IGF2BP1: variants seen among roughly 807,000 people sequenced by gnomAD.
IGF2BP1 encodes insulin-like growth factor 2 mRNA-binding protein 1.
IGF2BP1 carries 11 observed loss-of-function variants against 74.9 expected under a neutral mutation model. The observed-to-expected ratio is 0.15, with a 90% confidence interval of 0.09 to 0.24. IGF2BP1 has a LOEUF of 0.24. IGF2BP1 is among the 10% of genes least tolerant of loss of function. IGF2BP1 has a pLI of 1.00. For missense variants in IGF2BP1, 440 were observed against 757.4 expected (o/e 0.58, Z 4.92); for synonymous variants, 287 against 281.8 (o/e 1.02, Z -0.18).
chr17:49,030,920 G>A (rs9899931), intron 4 of IGF2BP1, among the ~76,000 whole-genome samples: 51,397 of 151,808 alleles, frequency 0.34, 9,245 homozygotes, highest in African/African-American at 0.42. Flanking sequence ...GTGAGCCACC[G>A]CTCCTGGCCA....
chr17:49,001,503 T>C (rs904081450), intron 2 of IGF2BP1, among the ~76,000 whole-genome samples: 9 of 152,176 alleles, frequency 5.9e-5, no homozygotes, highest in African/African-American at 2.2e-4. Flanking sequence ...ACAAAAGATA[T>C]GCTGTAGCAA....
intron 9 of IGF2BP1, 40 bp from the exon 10 acceptor site, chr17:49,043,388 C>T (rs1324220851): frequency 3.7e-6 from 6 of 1,610,300 alleles, no homozygotes; most frequent in Non-Finnish European, 5.1e-6. Flanking sequence ...AAGCCCCTGT[C>T]AGGGTGTGCT....
intron 2 of IGF2BP1, among the ~76,000 whole-genome samples, chr17:49,006,770 T>C (rs1326772850): frequency 6.6e-6 from 1 of 152,192 alleles, no homozygotes; most frequent in Non-Finnish European, 1.5e-5. Context: ...TAACTCTACC[T>C]GTATGTTGAA....
rs1567822974 is a variant in IGF2BP1, at chr17:49,034,764, A to AAC, written c.401+2791_401+2792insAC. Among the ~76,000 whole-genome samples, 6 of 143,752 alleles carry AAC rather than the reference A, an allele frequency of 4.2e-5. No homozygotes were observed. The East Asian group carries it at 7.8e-4, about 19-fold the overall frequency. 94.3% of individuals were successfully genotyped at this position (143,752 alleles called of 152,430 possible). ...AAAAAACACAAAAAAAACAAAAAAAACAAAAAAAACGAAAAACCAAAAACA... is the reference window on the plus strand; with the variant it reads ...AAAAAACACAAAAAAAACAAAAAAAAACCAAAAAAAACGAAAAACCAAAAACA... On this transcript the variant is annotated intron_variant, in intron 5 of 14. Transcript: ENST00000290341.
chr17:49,018,482 C>T (rs2041736451), intron 2 of IGF2BP1, among the ~76,000 whole-genome samples: 3 of 152,058 alleles, frequency 2.0e-5, no homozygotes, highest in African/African-American at 7.2e-5. Flanking sequence ...ACTTGGATAT[C>T]TTTGGGATGA....
chr17:49,028,318 C>T (rs922062487), intron 4 of IGF2BP1, among the ~76,000 whole-genome samples: 18 of 152,198 alleles, frequency 1.2e-4, no homozygotes, highest in African/African-American at 2.4e-5. Context: ...AAATATTCCT[C>T]TCCAAATTAT....
intron 4 of IGF2BP1, among the ~76,000 whole-genome samples, chr17:49,029,577 G>C (rs2041898181): frequency 6.6e-6 from 1 of 152,170 alleles, no homozygotes; most frequent in Non-Finnish European, 1.5e-5. Context: ...AAGCCCAGGG[G>C]ACCCAAATTC....
chr17:49,026,643 T>TG, intron 4 of IGF2BP1, 126 bp downstream of exon 4: 2 of 553,500 alleles, frequency 3.6e-6, no homozygotes, highest in East Asian at 3.0e-5. Context: ...CTGCCTTCCT[T>TG]CCTGCCTGCC....
At chr17:49,030,522 C>A (rs1385079755) in intron 4 of IGF2BP1, among the ~76,000 whole-genome samples, 1 of 152,096 alleles carries the variant, frequency 6.6e-6, no homozygotes. Context: ...TTAGGTGTTT[C>A]CAAGTGTTGT....
intron 2 of IGF2BP1, among the ~76,000 whole-genome samples, chr17:49,011,007 C>T (rs772641307): frequency 4.6e-5 from 7 of 151,264 alleles, no homozygotes; most frequent in Non-Finnish European, 8.8e-5. Flanking sequence ...CATGGTGGCG[C>T]GCACCTGTAA....
chr17:49,055,466 A>C lies in IGF2BP1; in HGVS notation c.*6022A>C. The C allele has an allele frequency of 4.4e-4, 150 of 337,762 alleles. No individual in the cohort carries two copies. The highest frequency in any genetic ancestry group is 2.3e-3 in the Middle Eastern group (3 of 1,308). The allele number at this position is 337,762 out of a possible 1,614,324, so 20.9% of individuals were successfully genotyped here. A position where few individuals can be genotyped will look rare whatever the true frequency, so the allele number is the denominator to read the frequency against. Reference sequence around the variant, plus strand: ...TCCCCTGCCAATAAGCTCCCCCAGGAATAAAGGCTTTGTTTTGGGGATGCT... The same window carrying C: ...TCCCCTGCCAATAAGCTCCCCCAGGCATAAAGGCTTTGTTTTGGGGATGCT... On this transcript the variant is annotated 3_prime_UTR_variant, in exon 15 of 15. Coordinates refer to ENST00000290341, the MANE Select transcript of IGF2BP1 (RefSeq NM_006546.4).
In IGF2BP1 at chr17:49,046,316, C is replaced by T. The variant is rs770034549; in HGVS notation, c.1584C>T (p.Thr528=). ...AAEVVVPRDQ[T]PDENDQVIVK... ...AGGTGGTAGTACCAAGAGACCAGAC[C>T]CCTGATGAGAACGACCAGGTCATCG... Residue 528 remains threonine, a synonymous_variant, in exon 14 of 15, where the codon ACC becomes ACT. Coordinates refer to ENST00000290341, the MANE Select transcript of IGF2BP1 (RefSeq NM_006546.4). 4 of 1,614,074 alleles carry T rather than the reference C, an allele frequency of 2.5e-6. No individual in the cohort carries two copies. Among genetic ancestry groups the T allele is most frequent in the South Asian group, 1.1e-5 (1 of 91,074 alleles).
chr17:49,043,939 C>T, intron 10 of IGF2BP1, 28 bp from the exon 11 acceptor site: 1 of 1,610,806 alleles, frequency 6.2e-7, no homozygotes, highest in Non-Finnish European at 8.5e-7. Flanking sequence ...CTTGGGCCCC[C>T]TGGTAACAAC....
intron 14 of IGF2BP1, among the ~76,000 whole-genome samples, chr17:49,048,932 A>C (rs2042136126): frequency 1.3e-5 from 2 of 148,570 alleles, no homozygotes; most frequent in African/African-American, 5.0e-5. Flanking sequence ...ATTGTTTTCC[A>C]TGAAACCAGT....
chr17:49,041,677 T>A (rs977133804), intron 8 of IGF2BP1, among the ~76,000 whole-genome samples, 177 bp downstream of exon 8: 10 of 152,242 alleles, frequency 6.6e-5, no homozygotes, highest in Non-Finnish European at 2.9e-5. Context: ...GGACTGGATC[T>A]GCCCATTCCC....
In IGF2BP1 at chr17:49,046,041, T is replaced by C; in HGVS notation, c.1527+20T>C. On this transcript the variant is annotated intron_variant, in intron 13 of 14. Transcript: ENST00000290341. ...AAAACGGTGAGCTGTGAGGGCCAGGTTGAAAGCCCTGGGCCTTGGTCTCCA... is the reference window on the plus strand; with the variant it reads ...AAAACGGTGAGCTGTGAGGGCCAGGCTGAAAGCCCTGGGCCTTGGTCTCCA... 6.2e-7 allele frequency: 1 copy of C among 1,612,898 alleles called. No individual in the cohort carries two copies. The highest frequency in any genetic ancestry group is 1.3e-5 in the African/African-American group (1 of 74,992).
intron 5 of IGF2BP1, among the ~76,000 whole-genome samples, chr17:49,034,255 C>T (rs936676539): frequency 6.6e-5 from 10 of 151,428 alleles, no homozygotes; most frequent in Non-Finnish European, 1.5e-4. Flanking sequence ...GACTACTGGA[C>T]TACAGGTGTC....
intron 2 of IGF2BP1, among the ~76,000 whole-genome samples, chr17:49,024,487 A>G (rs570830521): frequency 1.3e-5 from 2 of 152,280 alleles, no homozygotes; most frequent in South Asian, 2.1e-4. Flanking sequence ...AGGTAGTGGC[A>G]TTATGCTGAC....
chr17:49,025,156 C>A (rs879732209), intron 2 of IGF2BP1, among the ~76,000 whole-genome samples: 1 of 152,166 alleles, frequency 6.6e-6, no homozygotes, highest in Non-Finnish European at 1.5e-5. Context: ...CGCACCATTG[C>A]ACTCCAGCCT....
Sources: gnomAD v4.1 joint callset for allele counts (sites outside exome capture counted in the v4.1 genomes callset) on GRCh38, gnomAD v4.1.1 for gene constraint, MANE v1.5 for transcripts, NCBI Gene and HGNC (gene_info 2026-07-23, HGNC 2026-07-21) for gene names.